KIRREL2: variants seen among roughly 807,000 people sequenced by gnomAD.
KIRREL2 encodes the protein kirre like nephrin family adhesion molecule 2, also known as kin of IRRE-like protein 2.
A neutral mutation model predicts 73.4 loss-of-function variants in KIRREL2; 56 were observed. The observed-to-expected ratio is 0.76, with a 90% CI of 0.62 to 0.95. KIRREL2 has a LOEUF of 0.95. Ranked by LOEUF, KIRREL2 falls within the 40% of genes least tolerant of loss-of-function variation. The pLI is 0.00. For synonymous variants in KIRREL2, 407 were observed against 404.0 expected (o/e 1.01, Z -0.09); for missense variants, 896 against 935.0 (o/e 0.96, Z 0.54).
upstream of KIRREL2, among the ~76,000 whole-genome samples, chr19:35,853,149 G>A (rs1973319411): frequency 2.6e-5 from 4 of 152,150 alleles, no homozygotes; most frequent in African/African-American, 9.7e-5. Flanking sequence ...GATCTCTGCT[G>A]GGGAGGATGC....
Position 35,857,432 on chromosome 19 carries a change from A to G in KIRREL2, c.149A>G (p.Tyr50Cys). ...EARLPCALGA[Y>C]WGLVQWTKSG... ...CGGCTGCCGTGTGCTCTGGGCGCCT[A>G]CTGGGGGCTAGTTCAGTGGACTAAG... The change falls in exon 2 of 15, where the codon TAC (tyrosine) becomes TGC (cysteine). Residue 50 changes from tyrosine (Y) to cysteine (C), a missense_variant. By Grantham distance (194) the Tyr-to-Cys change is radical (BLOSUM62 -2). Transcript: ENST00000360202. 1 of 1,612,796 alleles carries G rather than the reference A, an allele frequency of 6.2e-7. No homozygotes were observed. The highest frequency in any genetic ancestry group is 8.5e-7 in the Non-Finnish European group (1 of 1,179,816).
At chr19:35,851,626 C>T (rs1450477596), upstream of KIRREL2, 2 of 1,613,948 alleles carry the variant, frequency 1.2e-6, no homozygotes, top group Admixed American at 3.3e-5. Context: ...CAGGCAGGGC[C>T]CAGAAGCCCC....
chr19:35,853,084 C>T (rs1456560014), upstream of KIRREL2, among the ~76,000 whole-genome samples: 3 of 150,724 alleles, frequency 2.0e-5, no homozygotes, highest in Non-Finnish European at 4.4e-5. Flanking sequence ...CATGAGCCAC[C>T]GCACCTGGCC....
chr19:35,859,955 G>A (rs1236721272), intron 5 of KIRREL2, among the ~76,000 whole-genome samples: 3 of 152,190 alleles, frequency 2.0e-5, no homozygotes, highest in Non-Finnish European at 4.4e-5. Context: ...TGAGGCAGGA[G>A]AATCACTTGT....
Position 35,866,358 on chromosome 19 carries a change from C to T in KIRREL2, c.1993C>T (p.Pro665Ser). ...AGCCAGGGCAGGCTATCTCACCACA[C>T]CCCACCCTCGAGCTTTCACCAGCTA... Reference protein sequence around the residue: ...YRARAGYLTTPHPRAFTSYIK... With the variant: ...YRARAGYLTTSHPRAFTSYIK... The change falls in exon 15 of 15, where the codon CCC becomes TCC. Residue 665 changes from proline (P) to serine (S), a missense_variant. Pro to Ser is a moderately conservative substitution (Grantham distance 74, BLOSUM62 -1). Coordinates refer to ENST00000360202, the MANE Select transcript of KIRREL2 (RefSeq NM_199180.4). 6.2e-7 allele frequency: 1 copy of T among 1,612,966 alleles called. No homozygotes were observed.
rs749408219 is a variant in KIRREL2 at position 35,861,184 on chromosome 19, T to C, written c.1119T>C (p.Tyr373=). ...TGGGGCCCGAGGACGCAGGCGACTATGTGTGCAGAGCTGAGGCTGGGCTAT... is the reference window on the plus strand; with the variant it reads ...TGGGGCCCGAGGACGCAGGCGACTACGTGTGCAGAGCTGAGGCTGGGCTAT... ...PSVGPEDAGD[Y]VCRAEAGLSG... is the part of the protein sequence containing the mutation. The change falls in exon 9 of 15, where the codon TAT becomes TAC. Residue 373 remains tyrosine, a synonymous_variant. Transcript: ENST00000360202. 9.5e-6 allele frequency: 15 copies of C among 1,581,388 alleles called. No homozygotes were observed. The South Asian group carries it at 1.4e-4, about 14-fold the overall frequency.
intron 5 of KIRREL2, among the ~76,000 whole-genome samples, chr19:35,859,979 A>T (rs1482470362): frequency 6.6e-6 from 1 of 152,124 alleles, no homozygotes; most frequent in Non-Finnish European, 1.5e-5. Context: ...CGGGAGGCAG[A>T]TGTTGCGGTG....
At position 35,859,504 on chromosome 19, in the gene KIRREL2, T is replaced by A. The variant is rs1359995260; in HGVS notation, c.546T>A (p.Pro182=). The A allele has an allele frequency of 6.2e-7, 1 of 1,614,018 alleles. No individual in the cohort carries two copies. Among genetic ancestry groups the A allele is most frequent in the African/African-American group, 1.3e-5 (1 of 74,930 alleles). ...AGACCCTGCTGAAGGAAGGGACCCC[T>A]GGGTCAGTGGAGAGCACCTTAACCC... ...FHQTLLKEGT[P]GSVESTLTLT... Residue 182 remains proline, a synonymous_variant, in exon 5 of 15, where the codon CCT becomes CCA. Coordinates refer to ENST00000360202, the MANE Select transcript of KIRREL2 (RefSeq NM_199180.4).
intron 13 of KIRREL2, among the ~76,000 whole-genome samples, chr19:35,863,836 C>T (rs1218623625): frequency 2.0e-5 from 3 of 151,138 alleles, no homozygotes; most frequent in East Asian, 1.9e-4. Context: ...TGCAGTGGCG[C>T]GAACTCGACT....
rs564236151 is a variant in KIRREL2, at chr19:35,861,788, C to T, written c.1291-17C>T. 7.4e-5 allele frequency: 118 copies of T among 1,587,882 alleles called. 2 individuals are homozygous for T. The South Asian group carries it at 1.3e-3, about 17-fold the overall frequency. ...CTCCTCAGTCTCCTCCGTGTCCTCC[C>T]TCTTTTGTGCCCCCAGGTCTGGTCT... On this transcript the variant is annotated splice_polypyrimidine_tract_variant and intron_variant, in intron 10 of 14. Transcript: ENST00000360202.
chr19:35,852,070 CT>C (rs918596654), upstream of KIRREL2, among the ~76,000 whole-genome samples: 4 of 150,338 alleles, frequency 2.7e-5, no homozygotes, highest in East Asian at 1.9e-4. Flanking sequence ...TTTAAAAAAA[CT>C]TTTTTTTCTT....
chr19:35,856,939 G>A lies in KIRREL2; in HGVS notation c.-181G>A. ...GACCCAGGCCGCGGAACTGGCAGGC[G>A]TTTCAGAGCGTCAGAGGCTGCGGAT... On this transcript the variant is annotated 5_prime_UTR_variant, in exon 1 of 15. Coordinates refer to ENST00000360202, the MANE Select transcript of KIRREL2 (RefSeq NM_199180.4). The surrounding 1 kb of genome is among the most constrained non-coding windows in gnomAD (Gnocchi z 5.9). 1 of 711,404 alleles carries A rather than the reference G, an allele frequency of 1.4e-6. No individual in the cohort carries two copies. Among genetic ancestry groups the A allele is most frequent in the East Asian group, 2.7e-5 (1 of 37,016 alleles). 44.1% of individuals were successfully genotyped at this position (711,404 alleles called of 1,614,324 possible).
At chr19:35,863,189 A>T (rs780465517) in intron 13 of KIRREL2, among the ~76,000 whole-genome samples, 153 bp downstream of exon 13, 2,769 of 152,300 alleles carry the variant, frequency 0.018, 29 homozygotes, top group Non-Finnish European at 0.026. Context: ...CACAAGGATC[A>T]CTTAAGGCCA....
In KIRREL2 at chr19:35,857,379, C is replaced by G. The variant is rs1323314002; in HGVS notation, c.96C>G (p.Asp32Glu). ...PSPHFLQQPEDLVVLLGEEAR... is the reference protein window; with the variant it reads ...PSPHFLQQPEELVVLLGEEAR... ...CCCATTTCCTGCAACAGCCAGAGGACCTGGTGGTGCTGCTGGGGGAGGAAG... is the reference window on the plus strand; with the variant it reads ...CCCATTTCCTGCAACAGCCAGAGGAGCTGGTGGTGCTGCTGGGGGAGGAAG... Residue 32 changes from aspartate (D) to glutamate (E), a missense_variant, in exon 2 of 15, where the codon GAC becomes GAG. Physicochemically the swap from Asp to Glu is conservative, Grantham distance 45 (BLOSUM62 2). Coordinates refer to ENST00000360202, the MANE Select transcript of KIRREL2 (RefSeq NM_199180.4). The G allele has an allele frequency of 6.2e-7, 1 of 1,612,776 alleles. No homozygotes were observed.
Position 35,866,226 on chromosome 19 carries a change from G to A in KIRREL2, c.1861G>A (p.Gly621Arg), listed in dbSNP as rs200045864. 6.2e-7 allele frequency: 1 copy of A among 1,612,642 alleles called. No individual in the cohort carries two copies. The highest frequency in any genetic ancestry group is 8.5e-7 in the Non-Finnish European group (1 of 1,178,900). ...CCTGAGCCTTGGCGAAGCCCCTGGA[G>A]GAGGTCTCTTCCTGCCACCACCCTC... ...VSLSLGEAPG[G>R]GLFLPPPSPL... Residue 621 changes from glycine (G) to arginine (R), a missense_variant, in exon 15 of 15, where the codon GGA becomes AGA. Physicochemically the swap from Gly to Arg is moderately radical, Grantham distance 125 (BLOSUM62 -2). Transcript: ENST00000360202.
intron 6 of KIRREL2, 49 bp from the exon 7 acceptor site, chr19:35,860,470 G>A (rs367945623): frequency 1.1e-5 from 17 of 1,603,778 alleles, no homozygotes; most frequent in African/African-American, 2.7e-5. Flanking sequence ...ACCTGAGTAG[G>A]TGTGCCAGAG....
At position 35,866,740 on chromosome 19, in the gene KIRREL2, C is replaced by A; in HGVS notation, c.*248C>A. ...CCGGTGTAAAAGAGATTCAAGATGGCAGGTAGGCCCTTTGAGGAGAGATGG... is the reference window on the plus strand; with the variant it reads ...CCGGTGTAAAAGAGATTCAAGATGGAAGGTAGGCCCTTTGAGGAGAGATGG... On this transcript the variant is annotated 3_prime_UTR_variant, in exon 15 of 15. Coordinates refer to ENST00000360202, the MANE Select transcript of KIRREL2 (RefSeq NM_199180.4). 1.7e-6 allele frequency: 1 copy of A among 584,986 alleles called. No individual in the cohort carries two copies. The highest frequency in any genetic ancestry group is 3.3e-5 in the Admixed American group (1 of 30,104). The allele number at this position is 584,986 out of a possible 1,614,324, so 36.2% of individuals were successfully genotyped here.
intron 14 of KIRREL2, among the ~76,000 whole-genome samples, chr19:35,865,494 C>T (rs1973929766): frequency 6.6e-6 from 1 of 152,194 alleles, no homozygotes; most frequent in Non-Finnish European, 1.5e-5. Context: ...CCTTCCTTCC[C>T]ATGTCTACCT....
rs1445364182 is a variant in KIRREL2 at position 35,857,088 on chromosome 19, C to T, written c.-32C>T. The T allele has an allele frequency of 1.9e-6, 3 of 1,612,500 alleles. No individual in the cohort carries two copies. The highest frequency in any genetic ancestry group is 1.7e-5 in the Admixed American group (1 of 59,978). On this transcript the variant is annotated 5_prime_UTR_variant, in exon 1 of 15. Coordinates refer to ENST00000360202, the MANE Select transcript of KIRREL2 (RefSeq NM_199180.4). ...GAAGAAGTTGACGGGAAGGCCAGTGCGACGGCAAATCTCGTGAACCTTGGG... is the reference window on the plus strand; with the variant it reads ...GAAGAAGTTGACGGGAAGGCCAGTGTGACGGCAAATCTCGTGAACCTTGGG...
Sources: allele counts gnomAD v4.1 joint callset (sites outside exome capture counted in the v4.1 genomes callset), GRCh38; gene constraint gnomAD v4.1.1; non-coding constraint Gnocchi (gnomAD v3.1); transcripts MANE v1.5; gene names NCBI Gene and HGNC (gene_info 2026-07-23, HGNC 2026-07-21).